Variants in ITGAL observed in about 807,000 individuals in gnomAD.
ITGAL encodes the protein integrin alpha-L.
A neutral mutation model predicts 138.4 loss-of-function variants in ITGAL; 68 were observed. The ratio of observed to expected loss-of-function variants is 0.49; its 90% CI spans 0.40 to 0.60. The LOEUF (loss-of-function observed/expected upper bound fraction) is 0.60. ITGAL is among the 20% of genes least tolerant of loss of function. ITGAL has a pLI of 0.00. For synonymous variants in ITGAL, 561 were observed against 584.3 expected (o/e 0.96, Z 0.57); for missense variants, 1,256 against 1,478.6 (o/e 0.85, Z 2.47).
chr16:30,482,083 T>C (rs748669897), intron 7 of ITGAL, among the ~76,000 whole-genome samples: 6 of 151,926 alleles, frequency 3.9e-5, no homozygotes, highest in Non-Finnish European at 8.8e-5. Flanking sequence ...TTAGTAGAGA[T>C]AGGCTTTCAC....
chr16:30,518,673 G>A lies in ITGAL; in HGVS notation c.3182G>A (p.Ser1061Asn). ...AGCTCCCTCTCCATCTCCTTCAACA[G>A]CAGCAAGCATTTCCACCTCTATGGC... ...LCSSLSISFN[S>N]SKHFHLYGSN... is the part of the protein sequence containing the mutation. Residue 1061 changes from serine to asparagine, a missense_variant, in exon 29 of 31, where the codon AGC becomes AAC. Ser to Asn is a conservative substitution (Grantham distance 46). Around this residue, in one of 3 missense-constraint regions of ITGAL, gnomAD observed 867 missense variants for 972.5 expected, o/e 0.89. Coordinates refer to ENST00000356798, the MANE Select transcript of ITGAL (RefSeq NM_002209.3). The A allele has an allele frequency of 2.5e-6, 4 of 1,614,004 alleles. No homozygotes were observed. Among genetic ancestry groups the A allele is most frequent in the Non-Finnish European group, 3.4e-6 (4 of 1,179,938 alleles).
intron 7 of ITGAL, 79 bp from the exon 8 acceptor site, chr16:30,483,748 G>T: frequency 6.8e-7 from 1 of 1,464,764 alleles, no homozygotes. Context: ...GCATGGAGGT[G>T]ACTTGATGAG....
chr16:30,481,749 G>A (rs958852668), intron 7 of ITGAL, among the ~76,000 whole-genome samples, 165 bp downstream of exon 7: 5 of 152,240 alleles, frequency 3.3e-5, no homozygotes, highest in African/African-American at 7.2e-5. Flanking sequence ...TTGGTTGTAC[G>A]TAACAGAAAT....
Position 30,483,902 on chromosome 16 carries a change from G to A in ITGAL, c.798G>A (p.Glu266=), listed in dbSNP as rs2050595448. 2 of 1,613,884 alleles carry A rather than the reference G, an allele frequency of 1.2e-6. No individual in the cohort carries two copies. The highest frequency in any genetic ancestry group is 1.3e-5 in the African/African-American group (1 of 74,914). The change falls in exon 8 of 31, where the codon GAG becomes GAA. Residue 266 remains glutamate, a synonymous_variant. Coordinates refer to ENST00000356798, the MANE Select transcript of ITGAL (RefSeq NM_002209.3). Reference sequence around the variant, plus strand: ...TGCTTATCATCATCACGGATGGGGAGGCCACTGACAGTGGCAACATCGATG... The same window carrying A: ...TGCTTATCATCATCACGGATGGGGAAGCCACTGACAGTGGCAACATCGATG... ...TKVLIIITDG[E]ATDSGNIDAA...
At chr16:30,498,895 T>G (rs1218275150) in intron 15 of ITGAL, 179 bp from the exon 16 acceptor site, 7 of 606,190 alleles carry the variant, frequency 1.2e-5, no homozygotes, top group East Asian at 5.7e-5. Context: ...GGTGAGACCC[T>G]CTCTCAAAAT....
In ITGAL at chr16:30,517,620, C is replaced by G. The variant is rs1196593994; in HGVS notation, c.2977-29C>G. 14 of 1,607,128 alleles carry G rather than the reference C, an allele frequency of 8.7e-6. No individual in the cohort carries two copies. The Admixed American group carries it at 1.2e-4, about 13-fold the overall frequency. Reference sequence around the variant, plus strand: ...GTGTCTTATCTGGGTTGGGGAGGCTCTAACTGAAGACCTGCCGCTTGTTCC... The same window carrying G: ...GTGTCTTATCTGGGTTGGGGAGGCTGTAACTGAAGACCTGCCGCTTGTTCC... On this transcript the variant is annotated intron_variant, in intron 26 of 30. Coordinates refer to ENST00000356798, the MANE Select transcript of ITGAL (RefSeq NM_002209.3).
At chr16:30,513,162 G>C (rs1024567504) in intron 24 of ITGAL, among the ~76,000 whole-genome samples, 1 of 152,204 alleles carries the variant, frequency 6.6e-6, no homozygotes, top group Non-Finnish European at 1.5e-5. Context: ...GAGCTAAAAA[G>C]GAACCTAGAT....
intron 24 of ITGAL, 131 bp from the exon 25 acceptor site, chr16:30,513,640 C>G: frequency 3.0e-6 from 2 of 673,668 alleles, no homozygotes; most frequent in Non-Finnish European, 5.3e-6. Context: ...TGGGAAAGAG[C>G]AGGTTGTGGT....
intron 17 of ITGAL, among the ~76,000 whole-genome samples, chr16:30,499,733 A>ATATGTATATATATATATATATATTTTT: frequency 1.1e-5 from 1 of 88,388 alleles, no homozygotes; most frequent in African/African-American, 6.0e-5. Flanking sequence ...ATATATATAT[A>ATATGTATATATATATATATATATTTTT]TTTTTTTTTT....
Position 30,494,668 on chromosome 16 carries a change from G to C in ITGAL, c.1366-45G>C. 1.9e-6 allele frequency: 3 copies of C among 1,564,748 alleles called. No homozygotes were observed. Among genetic ancestry groups the C allele is most frequent in the Non-Finnish European group, 2.6e-6 (3 of 1,152,940 alleles). ...TACAGGTATCTCCCTGCCAACCCCT[G>C]CTGTTCCCACAGGCGCTTCCCCAAA... On this transcript the variant is annotated intron_variant, in intron 12 of 30. Transcript: ENST00000356798. The surrounding 1 kb of genome is among the most constrained non-coding windows in gnomAD (Gnocchi z 4.2).
In ITGAL at chr16:30,506,683, C is replaced by T. The variant is rs760480885; in HGVS notation, c.2367-32C>T. ...CTGATATTCCCCACCCTGATCCTCCCTCCTCCATCTTTCCCTGATCATCCC... is the reference window on the plus strand; with the variant it reads ...CTGATATTCCCCACCCTGATCCTCCTTCCTCCATCTTTCCCTGATCATCCC... On this transcript the variant is annotated intron_variant, in intron 20 of 30. Transcript: ENST00000356798. The T allele has an allele frequency of 6.9e-6, 11 of 1,596,642 alleles. No homozygotes were observed. In the East Asian group the frequency reaches 2.3e-4, roughly 33 times the overall value.
At chr16:30,515,383 G>A (rs976964456) in intron 25 of ITGAL, among the ~76,000 whole-genome samples, 1 of 152,070 alleles carries the variant, frequency 6.6e-6, no homozygotes, top group East Asian at 1.9e-4. Flanking sequence ...CATGGGCCAT[G>A]ACCCGCCTCT....
At chr16:30,484,007 T>G in intron 8 of ITGAL, 48 bp downstream of exon 8, 1 of 1,598,730 alleles carries the variant, frequency 6.3e-7, no homozygotes, top group South Asian at 1.1e-5. Flanking sequence ...CTCCTCTTTC[T>G]GAACCCCAAG....
intron 17 of ITGAL, 176 bp from the exon 18 acceptor site, chr16:30,503,999 C>A: frequency 1.8e-6 from 1 of 548,824 alleles, no homozygotes; most frequent in Non-Finnish European, 3.3e-6. Flanking sequence ...TGAGAAGCCC[C>A]CTGGGTGTGC....
chr16:30,483,028 T>A (rs1032211058), intron 7 of ITGAL: 1 of 152,238 alleles, frequency 6.6e-6, no homozygotes, highest in Non-Finnish European at 1.5e-5. Context: ...AGTCTCGCTA[T>A]GTTGCCCAGA....
rs1230142612 is a variant in ITGAL, at chr16:30,505,228, A to T, written c.2236-16A>T. 1 of 1,582,096 alleles carries T rather than the reference A, an allele frequency of 6.3e-7. No homozygotes were observed. Among genetic ancestry groups the T allele is most frequent in the East Asian group, 2.3e-5 (1 of 44,358 alleles). On this transcript the variant is annotated splice_polypyrimidine_tract_variant and intron_variant, in intron 18 of 30. Coordinates refer to ENST00000356798, the MANE Select transcript of ITGAL (RefSeq NM_002209.3). ...AATCTCTCCTCTCTCCATCCTGCCC[A>T]CTACCCCTCGCTCAGCAGGGCAAGG...
At chr16:30,512,658 G>C (rs1252285678) in intron 24 of ITGAL, among the ~76,000 whole-genome samples, 1 of 151,796 alleles carries the variant, frequency 6.6e-6, no homozygotes, top group Non-Finnish European at 1.5e-5. Flanking sequence ...GGACAGAGAA[G>C]GACGGGGACA....
Position 30,494,835 on chromosome 16 carries a change from C to G in ITGAL, c.1488C>G (p.Ile496Met). 6.2e-7 allele frequency: 1 copy of G among 1,601,140 alleles called. No individual in the cohort carries two copies. The highest frequency in any genetic ancestry group is 8.5e-7 in the Non-Finnish European group (1 of 1,170,942). Residue 496 changes from isoleucine (I) to methionine (M), a missense_variant, in exon 13 of 31, where the codon ATC becomes ATG. By Grantham distance (10) the Ile-to-Met change is conservative (BLOSUM62 1). Around this residue, in one of 3 missense-constraint regions of ITGAL, gnomAD observed 867 missense variants for 972.5 expected, o/e 0.89. Transcript: ENST00000356798. This position sits in a 1 kb window ranked among gnomAD's most constrained non-coding sequence, Gnocchi z 4.2. Reference protein sequence around the residue: ...YGEQRGGRVFIYQRRQLGFEE... With the variant: ...YGEQRGGRVFMYQRRQLGFEE... ...AGCAGAGAGGAGGCCGGGTGTTTAT[C>G]TACCAGAGAAGACAGGTGGGGCCAG...
chr16:30,484,231 C>T lies in ITGAL; in HGVS notation c.974C>T (p.Thr325Ile). The T allele has an allele frequency of 6.2e-7, 1 of 1,614,070 alleles. No homozygotes were observed. Among genetic ancestry groups the T allele is most frequent in the South Asian group, 1.1e-5 (1 of 91,068 alleles). The part of the protein sequence containing the change: ...DTFEKLKDLF[T>I]ELQKKIYVIE... ...TTTGAGAAGCTGAAAGATCTATTCA[C>T]TGAGCTGCAGAAGAAGATCTATGTC... Residue 325 changes from threonine to isoleucine, a missense_variant, in exon 9 of 31, where the codon ACT (threonine) becomes ATT (isoleucine). Transcript: ENST00000356798.
Sources: gnomAD v4.1 joint callset for allele counts (sites outside exome capture counted in the v4.1 genomes callset) on GRCh38, gnomAD v4.1.1 for gene constraint, gnomAD v4.1.1 regional missense constraint, Gnocchi (gnomAD v3.1) non-coding constraint, MANE v1.5 for transcripts, NCBI Gene and HGNC (gene_info 2026-07-23, HGNC 2026-07-21) for gene names.